The following AMMECR1 variants were observed in gnomAD, a reference collection of about 807,000 sequenced individuals.
AMMECR1 encodes the protein nuclear protein AMMECR1.
Under a neutral mutation model 22.5 loss-of-function variants are expected in AMMECR1, and 3 were observed. The ratio of observed to expected loss-of-function variants is 0.13; its 90% CI spans 0.06 to 0.35. The LOEUF is 0.35. Ranked by LOEUF, AMMECR1 falls within the 10% of genes least tolerant of loss-of-function variation. AMMECR1 has a pLI of 1.00. For synonymous variants in AMMECR1, 130 were observed against 116.7 expected (o/e 1.11, Z -0.74); for missense variants, 235 against 278.7 (o/e 0.84, Z 1.12).
intron 2 of AMMECR1, among the ~76,000 whole-genome samples, chrX:110,416,144 G>GGTAA (rs1024997473): frequency 1.7e-4 from 19 of 111,143 alleles, no homozygotes; most frequent in African/African-American, 6.2e-4. Context: ...ACAGCCTGTG[G>GGTAA]GTAAGGGACT....
intron 2 of AMMECR1, among the ~76,000 whole-genome samples, chrX:110,344,597 T>C (rs1345086070): frequency 8.1e-5 from 9 of 111,521 alleles, no homozygotes; most frequent in Non-Finnish European, 1.3e-4. Context: ...TCCACCCATC[T>C]GACAAAGGGC....
intron 1 of AMMECR1, among the ~76,000 whole-genome samples, chrX:110,268,406 A>G (rs2067780858): frequency 8.9e-6 from 1 of 112,541 alleles, no homozygotes. Context: ...CTAATTTCTC[A>G]TTACAAATGC....
intron 1 of AMMECR1, among the ~76,000 whole-genome samples, chrX:110,303,107 G>GA (rs1458755753): frequency 9.0e-6 from 1 of 111,468 alleles, no homozygotes; most frequent in Non-Finnish European, 1.9e-5. Context: ...ATAACTTAAT[G>GA]AAAGTGAAAG....
At chrX:110,409,806 G>A (rs1372678878) in intron 2 of AMMECR1, among the ~76,000 whole-genome samples, 1 of 111,447 alleles carries the variant, frequency 9.0e-6, no homozygotes, top group African/African-American at 3.3e-5. Flanking sequence ...AGAAGGGCAG[G>A]GGGCAGCACC....
chrX:110,320,958 G>A (rs1434651982), upstream of AMMECR1, among the ~76,000 whole-genome samples: 2 of 111,965 alleles, frequency 1.8e-5, no homozygotes, highest in Non-Finnish European at 3.8e-5. Context: ...CTAACCTTGA[G>A]CCTCAAGATG....
At chrX:110,407,289 T>C (rs1300217726) in intron 2 of AMMECR1, among the ~76,000 whole-genome samples, 1 of 111,854 alleles carries the variant, frequency 8.9e-6, no homozygotes, top group African/African-American at 3.3e-5. Flanking sequence ...GTCCTTGAGA[T>C]TTTACCAGCT....
intron 2 of AMMECR1, among the ~76,000 whole-genome samples, chrX:110,410,193 G>T (rs2068632357): frequency 1.8e-5 from 2 of 111,279 alleles, no homozygotes; most frequent in Non-Finnish European, 3.8e-5. Context: ...ATGGAACTCA[G>T]GGTTTTTCCT....
chrX:110,436,161 A>C (rs1032231901), intron 1 of AMMECR1, among the ~76,000 whole-genome samples: 2 of 112,433 alleles, frequency 1.8e-5, no homozygotes, highest in Non-Finnish European at 3.8e-5. Context: ...GAAACTACTC[A>C]GGGTCTTTGT....
At chrX:110,244,431 A>G in intron 2 of AMMECR1, among the ~76,000 whole-genome samples, 1 of 111,778 alleles carries the variant, frequency 8.9e-6, no homozygotes, top group Middle Eastern at 4.6e-3. Context: ...ATGCATAATG[A>G]ATATCTTCTC....
chrX:110,434,461 C>T (rs2068821265), intron 1 of AMMECR1, among the ~76,000 whole-genome samples: 1 of 111,493 alleles, frequency 9.0e-6, no homozygotes, highest in Admixed American at 9.5e-5. Context: ...TGAACCACGA[C>T]CGTGGCAGTG....
At chrX:110,333,454 C>T (rs1250667835) in intron 2 of AMMECR1, among the ~76,000 whole-genome samples, 1 of 111,214 alleles carries the variant, frequency 9.0e-6, no homozygotes, top group African/African-American at 3.3e-5. Context: ...CTAGAAATAC[C>T]ATTTGACCCA....
At chrX:110,310,045 C>T (rs981870457) in intron 1 of AMMECR1, among the ~76,000 whole-genome samples, 1 of 112,584 alleles carries the variant, frequency 8.9e-6, no homozygotes, top group African/African-American at 3.2e-5. Flanking sequence ...CAGTACAAAG[C>T]TGAAAACTAT....
At chrX:110,272,399 A>C (rs1323961726) in intron 1 of AMMECR1, among the ~76,000 whole-genome samples, 1 of 111,966 alleles carries the variant, frequency 8.9e-6, no homozygotes. Flanking sequence ...TATGCCATTA[A>C]AAACTTGTAT....
chrX:110,391,007 T>C (rs184008555), intron 2 of AMMECR1, among the ~76,000 whole-genome samples: 1 of 112,032 alleles, frequency 8.9e-6, no homozygotes, highest in Admixed American at 9.5e-5. Flanking sequence ...TGATTTACTC[T>C]GGGATTGGGA....
chrX:110,256,343 C>T (rs938477314), intron 2 of AMMECR1, among the ~76,000 whole-genome samples: 2 of 111,864 alleles, frequency 1.8e-5, no homozygotes, highest in Admixed American at 9.5e-5. Flanking sequence ...CGTCATTATG[C>T]GGTACATGAC....
At chrX:110,273,006 C>T (rs769773655) in intron 1 of AMMECR1, among the ~76,000 whole-genome samples, 15 of 111,887 alleles carry the variant, frequency 1.3e-4, no homozygotes, top group Non-Finnish European at 2.3e-4. Context: ...GTAATGATTT[C>T]TTTTCCTTTT....
chrX:110,246,612 G>A (rs915567387), intron 2 of AMMECR1, among the ~76,000 whole-genome samples: 1 of 111,924 alleles, frequency 8.9e-6, no homozygotes, highest in Non-Finnish European at 1.9e-5. Context: ...TATAGTTCAG[G>A]TCCTCAAGGG....
At chrX:110,363,819 A>G (rs1250040180) in intron 2 of AMMECR1, among the ~76,000 whole-genome samples, 1 of 111,544 alleles carries the variant, frequency 9.0e-6, no homozygotes, top group Non-Finnish European at 1.9e-5. Flanking sequence ...CTACAGAGTC[A>G]AACACTTTAC....
chrX:110,284,920 C>T (rs1388404071), intron 1 of AMMECR1, among the ~76,000 whole-genome samples: 2 of 111,725 alleles, frequency 1.8e-5, no homozygotes, highest in African/African-American at 6.5e-5. Context: ...GCCATATGAG[C>T]TCTTCATATC....
Sources: allele counts gnomAD v4.1 joint callset (sites outside exome capture counted in the v4.1 genomes callset), GRCh38; gene constraint gnomAD v4.1.1; transcripts MANE v1.5; gene names NCBI Gene and HGNC (gene_info 2026-07-23, HGNC 2026-07-21).